The following UBE2D3 variants were observed in gnomAD, a reference collection of about 807,000 sequenced individuals.
UBE2D3 encodes ubiquitin conjugating enzyme E2 D3, also known as ubiquitin-conjugating enzyme E2 D3.
A neutral mutation model predicts 22.8 loss-of-function variants in UBE2D3; 2 were observed. That is an observed-to-expected ratio of 0.09 (90% confidence interval 0.04 to 0.28). The LOEUF is 0.28. UBE2D3 is among the 10% of genes least tolerant of loss of function. UBE2D3 has a pLI of 1.00. For missense variants in UBE2D3, 27 were observed against 182.5 expected, an observed-to-expected ratio of 0.15 and a Z score of 4.91; for synonymous variants, 56 against 60.4, an observed-to-expected ratio of 0.93 and a Z score of 0.34.
At chr4:102,802,687 A>C (rs1156320770) in intron 4 of UBE2D3, 49 bp from the exon 5 acceptor site, 1 of 1,413,632 alleles carries the variant, frequency 7.1e-7, no homozygotes, top group South Asian at 1.3e-5. Context: ...ATTATTGCTA[A>C]ATATTCCGTA....
chr4:102,844,423 T>C (rs968129662), intron 1 of UBE2D3, among the ~76,000 whole-genome samples: 4 of 152,192 alleles, frequency 2.6e-5, no homozygotes, highest in African/African-American at 7.2e-5. Context: ...TTTCCTTTAC[T>C]ATCTTAATGA....
intron 7 of UBE2D3, among the ~76,000 whole-genome samples, chr4:102,798,041 C>T (rs1725476388): frequency 6.6e-6 from 1 of 151,530 alleles, no homozygotes; most frequent in South Asian, 2.1e-4. Context: ...TTGTGTTCAT[C>T]AGAATCACGT....
At chr4:102,843,841 G>A (rs1440471697) in intron 1 of UBE2D3, 6 of 152,056 alleles carry the variant, frequency 3.9e-5, no homozygotes, top group Non-Finnish European at 8.8e-5. Context: ...AGACCATCAA[G>A]GTCCCTTCAT....
At position 102,866,767 on chromosome 4, in the gene UBE2D3, C is replaced by G. The variant is rs76615603; in HGVS notation, c.-129+1948G>C. Reference sequence around the variant, plus strand: ...TGCCCTTGTCAAGATGACAGATCCTCTAAGAGAAGAAACGAATAGGTAATG... The same window carrying G: ...TGCCCTTGTCAAGATGACAGATCCTGTAAGAGAAGAAACGAATAGGTAATG... On this transcript the variant is annotated intron_variant, in intron 1 of 7. Transcript: ENST00000338145. Among the ~76,000 whole-genome samples the G allele has an allele frequency of 7.6e-3, 1,152 of 152,244 alleles. 10 individuals carry two copies. The highest frequency in any genetic ancestry group is 0.026 in the African/African-American group (1,073 of 41,528).
At chr4:102,839,693 C>G (rs938217180) in intron 1 of UBE2D3, among the ~76,000 whole-genome samples, 1 of 152,154 alleles carries the variant, frequency 6.6e-6, no homozygotes, top group African/African-American at 2.4e-5. Flanking sequence ...AGCTATAAAA[C>G]TACTAGAAGA....
At chr4:102,814,457 C>CTTTTTT (rs574701413) in intron 2 of UBE2D3, among the ~76,000 whole-genome samples, 2 of 119,132 alleles carry the variant, frequency 1.7e-5, no homozygotes, top group African/African-American at 3.2e-5. Flanking sequence ...CCTGGCTATT[C>CTTTTTT]TTTTTTTTTT....
intron 1 of UBE2D3, among the ~76,000 whole-genome samples, chr4:102,856,551 T>C (rs1457273357): frequency 6.6e-6 from 1 of 152,156 alleles, no homozygotes; most frequent in Non-Finnish European, 1.5e-5. Context: ...TCCAGAGATA[T>C]TTTTAGGTTG....
intron 7 of UBE2D3, 99 bp downstream of exon 7, chr4:102,799,303 ATTATC>A (rs1725751111): frequency 1.1e-6 from 1 of 877,966 alleles, no homozygotes. Flanking sequence ...TATTTTAACT[ATTATC>A]TTACTAAATA....
chr4:102,822,771 T>TAAAAAAACAAAAAAATTAGCCTCTACTA (rs1553963780), intron 2 of UBE2D3, among the ~76,000 whole-genome samples: 1 of 151,458 alleles, frequency 6.6e-6, no homozygotes, highest in African/African-American at 2.4e-5. Context: ...CTGCCTCTAC[T>TAAAAAAACAAAAAAATTAGCCTCTACTA]AAAAAAACAA....
chr4:102,860,436 TGTG>T, intron 1 of UBE2D3, among the ~76,000 whole-genome samples: 1 of 151,302 alleles, frequency 6.6e-6, no homozygotes, highest in East Asian at 1.9e-4. Context: ...TGTGTGTGTG[TGTG>T]TTCTTTTAAG....
At chr4:102,853,135 A>ATCTTTTTTTTTTCTTTTTTT (rs386626793) in intron 1 of UBE2D3, among the ~76,000 whole-genome samples, 1 of 88,598 alleles carries the variant, frequency 1.1e-5, no homozygotes, top group Non-Finnish European at 2.1e-5. Context: ...AAACACACAC[A>ATCTTTTTTTTTTCTTTTTTT]TTTTTTTTTT....
At chr4:102,807,997 T>C (rs1727338640) in intron 4 of UBE2D3, among the ~76,000 whole-genome samples, 1 of 152,254 alleles carries the variant, frequency 6.6e-6, no homozygotes, top group Non-Finnish European at 1.5e-5. Flanking sequence ...TGACAATTTT[T>C]ATAATGAAAC....
At chr4:102,840,873 T>C (rs1342886606) in intron 1 of UBE2D3, among the ~76,000 whole-genome samples, 3 of 152,114 alleles carry the variant, frequency 2.0e-5, no homozygotes, top group East Asian at 3.9e-4. Flanking sequence ...AAAAATTAGC[T>C]GGGCACGGTG....
intron 1 of UBE2D3, among the ~76,000 whole-genome samples, chr4:102,840,236 C>T (rs553938090): frequency 2.0e-5 from 3 of 152,298 alleles, no homozygotes; most frequent in South Asian, 2.1e-4. Flanking sequence ...ATCTGTCAAT[C>T]CCACTAATGG....
chr4:102,839,214 A>G (rs1310405496), intron 1 of UBE2D3, among the ~76,000 whole-genome samples: 2 of 152,190 alleles, frequency 1.3e-5, no homozygotes, highest in Non-Finnish European at 2.9e-5. Flanking sequence ...GTCTAAATGA[A>G]AGGCATATAC....
intron 1 of UBE2D3, 47 bp from the exon 2 acceptor site, chr4:102,826,683 G>GCC (rs1415930693): frequency 2.1e-5 from 32 of 1,491,860 alleles, no homozygotes; most frequent in Non-Finnish European, 2.8e-5. Context: ...GCCCCGAAGA[G>GCC]CCCCTGATGA....
At chr4:102,833,509 T>C (rs1227157200) in intron 1 of UBE2D3, among the ~76,000 whole-genome samples, 4 of 152,216 alleles carry the variant, frequency 2.6e-5, no homozygotes, top group African/African-American at 9.7e-5. Context: ...ACAGTAATTA[T>C]AGATTACTAA....
At chr4:102,825,470 T>C in intron 2 of UBE2D3, 1 of 1,152,602 alleles carries the variant, frequency 8.7e-7, no homozygotes, top group African/African-American at 1.6e-5. Context: ...CAAATCATAT[T>C]AATTCACATT....
chr4:102,858,247 AGTGT>A (rs1471403741), intron 1 of UBE2D3, among the ~76,000 whole-genome samples: 1 of 152,042 alleles, frequency 6.6e-6, no homozygotes, highest in African/African-American at 2.4e-5. Flanking sequence ...TTATTAAAAT[AGTGT>A]GTTATCATAC....
Sources: allele counts gnomAD v4.1 joint callset (sites outside exome capture counted in the v4.1 genomes callset), GRCh38; gene constraint gnomAD v4.1.1; transcripts MANE v1.5; gene names NCBI Gene and HGNC (gene_info 2026-07-23, HGNC 2026-07-21).